FHIT: variants seen among roughly 807,000 people sequenced by gnomAD.
FHIT encodes bis(5'-adenosyl)-triphosphatase.
A neutral mutation model predicts 17.9 loss-of-function variants in FHIT; 19 were observed. The ratio of observed to expected loss-of-function variants is 1.06; its 90% confidence interval spans 0.74 to 1.56. The LOEUF (loss-of-function observed/expected upper bound fraction) is 1.56. FHIT is among the 40% of genes most tolerant of loss of function. The pLI is 0.00. For synonymous variants in FHIT, 81 were observed against 69.7 expected (o/e 1.16, Z -0.81); for missense variants, 248 against 189.2 (o/e 1.31, Z -1.82).
chr3:61,144,508 G>A (rs1339316342), intron 2 of FHIT, among the ~76,000 whole-genome samples: 2 of 152,126 alleles, frequency 1.3e-5, no homozygotes, highest in Admixed American at 1.3e-4. Flanking sequence ...GAACATTCAT[G>A]TACAAGTTTT....
chr3:60,910,816 C>T, intron 3 of FHIT, among the ~76,000 whole-genome samples: 1 of 152,136 alleles, frequency 6.6e-6, no homozygotes, highest in African/African-American at 2.4e-5. Flanking sequence ...TAGATTCACC[C>T]CTGGGAGAGA....
At chr3:59,864,103 A>G (rs1172062593) in intron 8 of FHIT, among the ~76,000 whole-genome samples, 1 of 152,168 alleles carries the variant, frequency 6.6e-6, no homozygotes, top group Non-Finnish European at 1.5e-5. Flanking sequence ...TGATCGGCCT[A>G]TATTCTTAAA....
At chr3:60,713,567 T>C (rs1259461240) in intron 4 of FHIT, among the ~76,000 whole-genome samples, 3 of 151,442 alleles carry the variant, frequency 2.0e-5, no homozygotes, top group African/African-American at 7.3e-5. Context: ...AAGAATCAAA[T>C]AGACACAATA....
intron 3 of FHIT, among the ~76,000 whole-genome samples, chr3:60,937,601 T>C (rs1177761106): frequency 2.0e-5 from 3 of 146,762 alleles, no homozygotes; most frequent in Non-Finnish European, 4.5e-5. Context: ...TCTCACTCTG[T>C]CACCCAGGCT....
chr3:60,957,525 T>C (rs537678798), intron 3 of FHIT, among the ~76,000 whole-genome samples: 56 of 148,576 alleles, frequency 3.8e-4, no homozygotes, highest in Non-Finnish European at 7.4e-4. Context: ...GCGTGAGCCA[T>C]GGCGCCGGGC....
chr3:59,856,752 A>T (rs374393546), intron 8 of FHIT, among the ~76,000 whole-genome samples: 2 of 151,994 alleles, frequency 1.3e-5, no homozygotes, highest in East Asian at 1.9e-4. Flanking sequence ...TATCTATCTA[A>T]TTCTGTGGGA....
chr3:60,853,668 T>TAAAGTGA (rs1162553751), intron 3 of FHIT, among the ~76,000 whole-genome samples: 2 of 152,154 alleles, frequency 1.3e-5, no homozygotes, highest in Non-Finnish European at 2.9e-5. Context: ...GCCTTTAAGA[T>TAAAGTGA]AAAGTGCCAG....
intron 3 of FHIT, among the ~76,000 whole-genome samples, chr3:60,977,416 A>G (rs1391013469): frequency 6.6e-6 from 1 of 152,182 alleles, no homozygotes; most frequent in Non-Finnish European, 1.5e-5. Flanking sequence ...ACCCTTAAGA[A>G]ACTTGAGTGT....
chr3:60,137,876 T>C (rs75630459), intron 5 of FHIT, among the ~76,000 whole-genome samples: 6,701 of 152,282 alleles, frequency 0.044, 229 homozygotes, highest in Non-Finnish European at 0.065. Flanking sequence ...AGACCCTAAA[T>C]GAATATCCGT....
At chr3:60,202,111 AT>A (rs1702940267) in intron 5 of FHIT, among the ~76,000 whole-genome samples, 1 of 152,208 alleles carries the variant, frequency 6.6e-6, no homozygotes, top group South Asian at 2.1e-4. Flanking sequence ...AAGTGCTATA[AT>A]GTTACAGTGG....
rs561145896 is a variant in FHIT at position 60,604,123 on chromosome 3, A to T, written c.-17-67144T>A. On this transcript the variant is annotated intron_variant, in intron 4 of 9. Coordinates refer to ENST00000492590, the MANE Select transcript of FHIT (RefSeq NM_002012.4). Reference sequence around the variant, plus strand: ...ACATTGTGCAGCAGAAGAGAAGGCTATCAAGGCCAGCTTTTAAAAATACAA... The same window carrying T: ...ACATTGTGCAGCAGAAGAGAAGGCTTTCAAGGCCAGCTTTTAAAAATACAA... Among the ~76,000 whole-genome samples the T allele has an allele frequency of 2.0e-5, 3 of 152,346 alleles. No homozygotes were observed. In the East Asian group the frequency reaches 5.8e-4, roughly 29 times the overall value.
chr3:60,720,339 A>ACTGC (rs2041781627), intron 4 of FHIT, among the ~76,000 whole-genome samples: 1 of 152,022 alleles, frequency 6.6e-6, no homozygotes, highest in South Asian at 2.1e-4. Context: ...AGCCAAACAC[A>ACTGC]CTGCCTGACC....
chr3:60,542,603 A>C (rs759538240), intron 4 of FHIT, among the ~76,000 whole-genome samples: 1 of 152,034 alleles, frequency 6.6e-6, no homozygotes, highest in Non-Finnish European at 1.5e-5. Context: ...GTCCTCTTTC[A>C]TATTGCTTTC....
chr3:60,357,878 C>T (rs1358364196), intron 5 of FHIT, among the ~76,000 whole-genome samples: 8 of 152,200 alleles, frequency 5.3e-5, no homozygotes, highest in African/African-American at 1.7e-4. Context: ...TTCCATCCTT[C>T]TCCATCATAC....
chr3:60,901,337 A>C (rs1474300890), intron 3 of FHIT, among the ~76,000 whole-genome samples: 1 of 152,204 alleles, frequency 6.6e-6, no homozygotes, highest in Non-Finnish European at 1.5e-5. Context: ...ACCTTGTTCC[A>C]TCCAAATCAA....
intron 5 of FHIT, among the ~76,000 whole-genome samples, chr3:60,452,325 C>G (rs2031803961): frequency 6.6e-6 from 1 of 152,088 alleles, no homozygotes; most frequent in African/African-American, 2.4e-5. Flanking sequence ...CAGGAAAACC[C>G]TATGAAGTGG....
At chr3:60,211,891 G>A (rs972913268) in intron 5 of FHIT, among the ~76,000 whole-genome samples, 4 of 151,994 alleles carry the variant, frequency 2.6e-5, no homozygotes, top group South Asian at 2.1e-4. Context: ...TTTAATGTTC[G>A]CTTTTCATAT....
At chr3:60,035,005 T>C (rs1472726220) in intron 5 of FHIT, among the ~76,000 whole-genome samples, 1 of 152,206 alleles carries the variant, frequency 6.6e-6, no homozygotes. Context: ...TCTTTAAACA[T>C]TTTATAAACC....
At chr3:60,390,968 C>T (rs1198579806) in intron 5 of FHIT, among the ~76,000 whole-genome samples, 3 of 151,974 alleles carry the variant, frequency 2.0e-5, no homozygotes, top group Admixed American at 6.6e-5. Flanking sequence ...TCACTTGAGG[C>T]CAGGAGTTTG....
Sources: gnomAD v4.1 joint callset for allele counts (sites outside exome capture counted in the v4.1 genomes callset) on GRCh38, gnomAD v4.1.1 for gene constraint, MANE v1.5 for transcripts, NCBI Gene and HGNC (gene_info 2026-07-23, HGNC 2026-07-21) for gene names.